Variants in HTR1F observed in about 807,000 individuals in gnomAD.
The protein encoded by HTR1F is 5-hydroxytryptamine receptor 1F.
Under a neutral mutation model 24.0 loss-of-function variants are expected in HTR1F, and 17 were observed. That is an observed-to-expected ratio of 0.71 (90% CI 0.48 to 1.06). The LOEUF (loss-of-function observed/expected upper bound fraction) is 1.06. Among genes scored for constraint, HTR1F ranks in the 50% least tolerant of loss-of-function variants. The probability of loss-of-function intolerance (pLI) is 0.00; values close to 1 mark genes in which losing one functional copy is unlikely to be tolerated. For missense variants in HTR1F, 391 were observed against 427.8 expected (o/e 0.91, Z 0.76); for synonymous variants, 186 against 156.8 (o/e 1.19, Z -1.39).
chr3:87,946,622 TATA>T lies in HTR1F; in HGVS notation c.-42-44085_-42-44083del, dbSNP rs1436579927. 5.2e-3 allele frequency among the ~76,000 whole-genome samples: 445 copies of T among 85,394 alleles called. 3 individuals are homozygous for T. The highest frequency in any genetic ancestry group is 0.016 in the African/African-American group (380 of 23,246). 56.0% of individuals were successfully genotyped at this position (85,394 alleles called of 152,430 possible). ...ATATGTGTGTGTGTGTATATATATA[TATA>T]TATTTTTTTTTTTTTTTAAACAGTC... is the stretch of plus-strand genomic sequence containing the variant. On this transcript the variant is annotated intron_variant, in intron 2 of 2. Coordinates refer to ENST00000319595, the MANE Select transcript of HTR1F (RefSeq NM_001322209.2).
chr3:87,931,608 C>A (rs1314216846), intron 2 of HTR1F, among the ~76,000 whole-genome samples: 1 of 152,012 alleles, frequency 6.6e-6, no homozygotes, highest in Non-Finnish European at 1.5e-5. Context: ...GTTCTAGATC[C>A]CTGAGGAATC....
At chr3:87,919,911 T>G (rs963059088) in intron 2 of HTR1F, among the ~76,000 whole-genome samples, 1 of 151,806 alleles carries the variant, frequency 6.6e-6, no homozygotes, top group African/African-American at 2.4e-5. Context: ...AAAAAAATAC[T>G]CATACATGCA....
At chr3:87,960,597 A>G (rs77848987) in intron 2 of HTR1F, among the ~76,000 whole-genome samples, 151 of 152,160 alleles carry the variant, frequency 9.9e-4, no homozygotes, top group African/African-American at 3.5e-3. Flanking sequence ...CCTCATCTAC[A>G]TAAGGCTATA....
chr3:87,874,394 G>A (rs1705624201), intron 2 of HTR1F, among the ~76,000 whole-genome samples: 1 of 152,022 alleles, frequency 6.6e-6, no homozygotes, highest in Non-Finnish European at 1.5e-5. Context: ...ACTTACCATA[G>A]CATCACAAAG....
rs576735067 is a variant in HTR1F at position 87,985,334 on chromosome 3, C to G, written c.-42-5374C>G. ...CTGGGCAACAAGAGCGAACCTCCAT[C>G]TCAAAAAAAAAAAAGCAAAGAAAAA... On this transcript the variant is annotated intron_variant, in intron 2 of 2. Transcript: ENST00000319595. Among the ~76,000 whole-genome samples the G allele has an allele frequency of 2.5e-4, 23 of 93,620 alleles. No individual in the cohort carries two copies. In the East Asian group the frequency reaches 8.4e-3, roughly 34 times the overall value. 61.4% of individuals were successfully genotyped at this position (93,620 alleles called of 152,430 possible). A position where few individuals can be genotyped will look rare whatever the true frequency, so the allele number is the denominator to read the frequency against.
Position 87,896,220 on chromosome 3 carries a change from T to C in HTR1F, c.-43+74096T>C, listed in dbSNP as rs572491759. On this transcript the variant is annotated intron_variant, in intron 2 of 2. Coordinates refer to ENST00000319595, the MANE Select transcript of HTR1F (RefSeq NM_001322209.2). ...CTCAGGGACATTACCTGAAAAGAGC[T>C]TTACCTGCTCAATGCATACACCAAT... Among the ~76,000 whole-genome samples the C allele has an allele frequency of 8.5e-5, 13 of 152,214 alleles. No homozygotes were observed. The East Asian group carries it at 2.5e-3, about 29-fold the overall frequency.
At chr3:87,941,820 G>A (rs1277826627) in intron 2 of HTR1F, among the ~76,000 whole-genome samples, 1 of 152,068 alleles carries the variant, frequency 6.6e-6, no homozygotes. Flanking sequence ...GGGTATAGAG[G>A]GACAATGGCC....
intron 2 of HTR1F, among the ~76,000 whole-genome samples, chr3:87,914,802 A>G (rs1703856709): frequency 6.6e-6 from 1 of 152,028 alleles, no homozygotes; most frequent in African/African-American, 2.4e-5. Flanking sequence ...TGGGAGTTCT[A>G]GGGCCCCACC....
At chr3:87,856,159 C>T (rs1483249708) in intron 2 of HTR1F, among the ~76,000 whole-genome samples, 1 of 151,838 alleles carries the variant, frequency 6.6e-6, no homozygotes, top group Non-Finnish European at 1.5e-5. Flanking sequence ...TTATTAGTTA[C>T]TATTAATCTC....
chr3:87,890,662 C>A (rs1452405573), intron 2 of HTR1F, among the ~76,000 whole-genome samples: 2 of 150,708 alleles, frequency 1.3e-5, no homozygotes, highest in African/African-American at 2.4e-5. Flanking sequence ...AGATAAATAC[C>A]GCCAGTAATG....
intron 2 of HTR1F, among the ~76,000 whole-genome samples, chr3:87,962,180 T>G (rs943931795): frequency 3.9e-5 from 6 of 152,058 alleles, no homozygotes; most frequent in Non-Finnish European, 7.4e-5. Flanking sequence ...AAACAAATGA[T>G]AAAAATTAGG....
intron 2 of HTR1F, among the ~76,000 whole-genome samples, 61 bp downstream of exon 2, chr3:87,822,185 AT>A (rs371523714): frequency 9.3e-4 from 141 of 152,282 alleles, no homozygotes; most frequent in African/African-American, 3.3e-3. Flanking sequence ...GAAAAAAAAA[AT>A]GTGGTAAATC....
intron 2 of HTR1F, among the ~76,000 whole-genome samples, chr3:87,901,290 T>C (rs938425874): frequency 3.9e-5 from 6 of 151,950 alleles, no homozygotes; most frequent in African/African-American, 1.5e-4. Context: ...CTAAGATAAA[T>C]TGAACTCATG....
intron 1 of HTR1F, among the ~76,000 whole-genome samples, chr3:87,817,108 A>C (rs529350169): frequency 1.3e-5 from 2 of 152,134 alleles, no homozygotes; most frequent in East Asian, 3.8e-4. Context: ...CACACACAAG[A>C]TATCCCACAA....
chr3:87,986,920 C>T (rs1473394394), intron 2 of HTR1F, among the ~76,000 whole-genome samples: 4 of 152,082 alleles, frequency 2.6e-5, no homozygotes, highest in African/African-American at 9.7e-5. Context: ...CCCTGGCCAA[C>T]ATGGTGAAAC....
At chr3:87,926,801 A>T (rs1399566577) in intron 2 of HTR1F, among the ~76,000 whole-genome samples, 2 of 152,164 alleles carry the variant, frequency 1.3e-5, no homozygotes, top group Non-Finnish European at 2.9e-5. Flanking sequence ...ACTTAGGAAG[A>T]GTTGCTACCC....
chr3:87,977,492 G>A (rs1354920888), intron 2 of HTR1F, among the ~76,000 whole-genome samples: 1 of 148,982 alleles, frequency 6.7e-6, no homozygotes. Context: ...TCCACCTCCC[G>A]GGTCCACGCC....
intron 2 of HTR1F, among the ~76,000 whole-genome samples, chr3:87,838,238 A>G (rs1704723751): frequency 6.6e-6 from 1 of 152,240 alleles, no homozygotes; most frequent in African/African-American, 2.4e-5. Flanking sequence ...GGTAGTCAAA[A>G]TACCACTCCT....
intron 2 of HTR1F, among the ~76,000 whole-genome samples, chr3:87,825,367 T>G (rs1220907282): frequency 6.6e-6 from 1 of 152,194 alleles, no homozygotes. Context: ...ATATGAAATG[T>G]GTGGTTGTAA....
Sources: gnomAD v4.1 joint callset for allele counts (sites outside exome capture counted in the v4.1 genomes callset) on GRCh38, gnomAD v4.1.1 for gene constraint, MANE v1.5 for transcripts, NCBI Gene and HGNC (gene_info 2026-07-23, HGNC 2026-07-21) for gene names.